The following DLG3 variants were observed in gnomAD, a reference collection of about 807,000 sequenced individuals.
DLG3 encodes discs large MAGUK scaffold protein 3, also known as disks large homolog 3.
A neutral mutation model predicts 64.1 loss-of-function variants in DLG3; 1 was observed. The ratio of observed to expected loss-of-function variants is 0.02; its 90% CI spans 0.01 to 0.07. DLG3 has a LOEUF of 0.07. Ranked by LOEUF, DLG3 falls within the 10% of genes least tolerant of loss-of-function variation. The probability of loss-of-function intolerance (pLI) is 1.00; values close to 1 mark genes in which losing one functional copy is unlikely to be tolerated. For missense variants in DLG3, 429 were observed against 669.5 expected, an observed-to-expected ratio of 0.64 and a Z score of 3.96; for synonymous variants, 245 against 259.8, an observed-to-expected ratio of 0.94 and a Z score of 0.55.
chrX:70,500,998 C>T lies in DLG3; in HGVS notation c.2347+9C>T, dbSNP rs1555971670. 6.1e-6 allele frequency: 7 copies of T among 1,151,326 alleles called. No homozygotes were observed. Among genetic ancestry groups the T allele is most frequent in the Non-Finnish European group, 8.2e-6 (7 of 850,865 alleles). 94.9% of individuals were successfully genotyped at this position (1,151,326 alleles called of 1,213,427 possible). ...TGGAGAGTACTTTACAGGTAAGACTCCTGCTGCCCTGCGGGGGGTTCTGGG... is the reference window on the plus strand; with the variant it reads ...TGGAGAGTACTTTACAGGTAAGACTTCTGCTGCCCTGCGGGGGGTTCTGGG... On this transcript the variant is annotated intron_variant, in intron 18 of 18. Transcript: ENST00000374360.
At chrX:70,457,149 G>A (rs2086723719) in intron 9 of DLG3, among the ~76,000 whole-genome samples, 1 of 112,182 alleles carries the variant, frequency 8.9e-6, no homozygotes, top group African/African-American at 3.2e-5. Flanking sequence ...CTGAAGGTCA[G>A]CATCAGAGGG....
chrX:70,462,814 T>A (rs1164065614), intron 9 of DLG3, among the ~76,000 whole-genome samples: 5 of 111,914 alleles, frequency 4.5e-5, no homozygotes. Flanking sequence ...TCTGGCTTTT[T>A]TTAAAAGTAG....
chrX:70,498,629 C>T lies in DLG3; in HGVS notation c.1870+59C>T. 3.7e-6 allele frequency: 4 copies of T among 1,075,605 alleles called. No homozygotes were observed. The Admixed American group carries it at 9.8e-5, about 26-fold the overall frequency. The allele number at this position is 1,075,605 out of a possible 1,213,427, so 88.6% of individuals were successfully genotyped here. A position where few individuals can be genotyped will look rare whatever the true frequency, so the allele number is the denominator to read the frequency against. ...GGTCTCCTGGTCGTGGGGCTCAATA[C>T]AGTGGGTGGCTGTGGCAGCAGAGGG... is the stretch of plus-strand genomic sequence containing the variant. On this transcript the variant is annotated intron_variant, in intron 14 of 18. Transcript: ENST00000374360.
At chrX:70,471,922 G>A (rs1030264509) in intron 9 of DLG3, among the ~76,000 whole-genome samples, 2 of 111,352 alleles carry the variant, frequency 1.8e-5, no homozygotes, top group Non-Finnish European at 3.8e-5. Flanking sequence ...CTCCAATTCT[G>A]TCTTACACTC....
At chrX:70,498,424 G>T (rs755622743) in intron 13 of DLG3, 96 bp from the exon 14 acceptor site, 1 of 903,233 alleles carries the variant, frequency 1.1e-6, no homozygotes. Flanking sequence ...AGGACCACCT[G>T]ATAAGGCTGT....
intron 3 of DLG3, 78 bp downstream of exon 3, chrX:70,449,561 T>G (rs1192172211): frequency 3.6e-6 from 3 of 828,004 alleles, no homozygotes; most frequent in Non-Finnish European, 5.0e-6. Flanking sequence ...CCTGGCAGGA[T>G]GACCCTTCCA....
At chrX:70,456,643 C>A in intron 9 of DLG3, among the ~76,000 whole-genome samples, 1 of 111,952 alleles carries the variant, frequency 8.9e-6, no homozygotes, top group Middle Eastern at 4.7e-3. Flanking sequence ...TAAGGCCTTT[C>A]TTCTCTTAGG....
At chrX:70,476,866 A>G (rs913787454) in intron 9 of DLG3, among the ~76,000 whole-genome samples, 8 of 112,975 alleles carry the variant, frequency 7.1e-5, no homozygotes, top group African/African-American at 2.6e-4. Flanking sequence ...ATAAATCTAC[A>G]AATAAAAGCC....
Position 70,445,168 on chromosome X carries a change from G to A in DLG3, c.-34G>A. 9.1e-7 allele frequency: 1 copy of A among 1,094,535 alleles called. No homozygotes were observed. The highest frequency in any genetic ancestry group is 1.2e-6 in the Non-Finnish European group (1 of 818,061). 90.2% of individuals were successfully genotyped at this position (1,094,535 alleles called of 1,213,427 possible). A position where few individuals can be genotyped will look rare whatever the true frequency, so the allele number is the denominator to read the frequency against. On this transcript the variant is annotated 5_prime_UTR_variant, in exon 1 of 19. Transcript: ENST00000374360. Reference sequence around the variant, plus strand: ...GTGGCGGCGGCGTGGAATCCGGCGTGGGCTGGGGGGTCCGAGCCGCGGGGG... The same window carrying A: ...GTGGCGGCGGCGTGGAATCCGGCGTAGGCTGGGGGGTCCGAGCCGCGGGGG...
intron 10 of DLG3, among the ~76,000 whole-genome samples, chrX:70,491,866 G>A (rs1260260111): frequency 8.9e-6 from 1 of 111,976 alleles, no homozygotes. Context: ...AGAGGAGATG[G>A]GGTTTGTAAA....
intron 10 of DLG3, among the ~76,000 whole-genome samples, chrX:70,483,341 G>A (rs1485285629): frequency 8.9e-6 from 1 of 112,910 alleles, no homozygotes; most frequent in African/African-American, 3.2e-5. Context: ...TATGTAGAAA[G>A]CAGTAAAACA....
chrX:70,479,910 G>A (rs1160003554), intron 10 of DLG3, among the ~76,000 whole-genome samples: 1 of 111,751 alleles, frequency 8.9e-6, no homozygotes, highest in Non-Finnish European at 1.9e-5. Flanking sequence ...CCAAGGTTGA[G>A]CTTCTCTGAC....
At chrX:70,495,701 C>G (rs1205583096) in intron 13 of DLG3, among the ~76,000 whole-genome samples, 1 of 111,720 alleles carries the variant, frequency 9.0e-6, no homozygotes, top group Non-Finnish European at 1.9e-5. Flanking sequence ...AGTGGGAGGG[C>G]GTGAGCATGG....
chrX:70,495,015 A>G (rs1354233261), intron 12 of DLG3, among the ~76,000 whole-genome samples: 1 of 111,985 alleles, frequency 8.9e-6, no homozygotes, highest in Non-Finnish European at 1.9e-5. Context: ...GGGCTCCACA[A>G]CCAAAATTTA....
chrX:70,453,509 A>C, intron 7 of DLG3, 128 bp from the exon 8 acceptor site: 1 of 995,553 alleles, frequency 1.0e-6, no homozygotes. Flanking sequence ...AGGGAGGCTC[A>C]GGGTATCATA....
At chrX:70,479,053 C>T in intron 9 of DLG3, 97 bp from the exon 10 acceptor site, 1 of 790,729 alleles carries the variant, frequency 1.3e-6, no homozygotes, top group Non-Finnish European at 1.9e-6. Flanking sequence ...TGCTTTTAAG[C>T]CAAGGGGCCT....
At chrX:70,464,078 C>A (rs2086847145) in intron 9 of DLG3, among the ~76,000 whole-genome samples, 1 of 110,927 alleles carries the variant, frequency 9.0e-6, no homozygotes, top group Admixed American at 9.7e-5. Flanking sequence ...GTTGCCCAGG[C>A]TGGTCTTGAA....
rs778482228 is a variant in DLG3, at chrX:70,492,542, T to A, written c.1719T>A (p.Ala573=). The change falls in exon 12 of 19, where the codon GCT becomes GCA. Residue 573 remains alanine (A), a synonymous_variant. Transcript: ENST00000374360. ...ACAGGGTGGAAAAGAAAGAAAGAGCTCGATTGAAAACTGTGAAGTTCCATG... is the reference window on the plus strand; with the variant it reads ...ACAGGGTGGAAAAGAAAGAAAGAGCACGATTGAAAACTGTGAAGTTCCATG... ...SKKRVEKKER[A]RLKTVKFHAR... The A allele has an allele frequency of 8.3e-7, 1 of 1,211,233 alleles. No individual in the cohort carries two copies. Among genetic ancestry groups the A allele is most frequent in the Admixed American group, 2.2e-5 (1 of 46,030 alleles).
intron 7 of DLG3, chrX:70,453,052 C>A (rs2086642514): frequency 4.0e-6 from 1 of 247,129 alleles, no homozygotes; most frequent in East Asian, 6.9e-5. Flanking sequence ...TGGGATCCCC[C>A]TAAGAACCCA....
Sources: allele counts gnomAD v4.1 joint callset (sites outside exome capture counted in the v4.1 genomes callset), GRCh38; gene constraint gnomAD v4.1.1; transcripts MANE v1.5; gene names NCBI Gene and HGNC (gene_info 2026-07-23, HGNC 2026-07-21).